FBXO31: variants seen among roughly 807,000 people sequenced by gnomAD.
The protein encoded by FBXO31 is F-box protein 31, also known as F-box only protein 31.
Under a neutral mutation model 54.4 loss-of-function variants are expected in FBXO31, and 24 were observed. The ratio of observed to expected loss-of-function variants is 0.44; its 90% CI spans 0.32 to 0.62. FBXO31 has a LOEUF of 0.62. FBXO31 is among the 20% of genes least tolerant of loss of function. The pLI, the probability that FBXO31 is intolerant of heterozygous loss-of-function variation, is 0.05. For missense variants in FBXO31, 665 were observed against 787.1 expected, an observed-to-expected ratio of 0.84 and a Z score of 1.86; for synonymous variants, 388 against 335.6, an observed-to-expected ratio of 1.16 and a Z score of -1.71.
At chr16:87,354,792 AC>A (rs1190277311) in intron 2 of FBXO31, among the ~76,000 whole-genome samples, 24 of 151,960 alleles carry the variant, frequency 1.6e-4, no homozygotes, top group Admixed American at 1.6e-3. Context: ...AACTGGCAAA[AC>A]CCCGTCTCTA....
Position 87,343,758 on chromosome 16 carries a change from C to T in FBXO31, c.497G>A (p.Gly166Asp), listed in dbSNP as rs1905268128. 6.2e-7 allele frequency: 1 copy of T among 1,614,154 alleles called. No individual in the cohort carries two copies. The highest frequency in any genetic ancestry group is 8.5e-7 in the Non-Finnish European group (1 of 1,179,994). Residue 166 changes from glycine (G) to aspartate (D), a missense_variant, in exon 4 of 9, where the codon GGC becomes GAC. Around this residue, in one of 4 missense-constraint regions of FBXO31, gnomAD observed 234 missense variants for 346.8 expected, o/e 0.67. Coordinates refer to ENST00000311635, the MANE Select transcript of FBXO31 (RefSeq NM_024735.5). ...GTACATCCACCCGATGATGAACAGG[C>T]CGTCCACCTACAGGAGGAGATGGGC... ...YGGLLNVVVDGLFIIGWMYLP... is the reference protein window; with the variant it reads ...YGGLLNVVVDDLFIIGWMYLP...
At chr16:87,378,958 T>A (rs1487678431) in intron 1 of FBXO31, among the ~76,000 whole-genome samples, 1 of 139,246 alleles carries the variant, frequency 7.2e-6, no homozygotes, top group Non-Finnish European at 1.5e-5. Flanking sequence ...CAAGACTCCA[T>A]CTCAAAAAAA....
chr16:87,351,919 T>G (rs1446967594), intron 2 of FBXO31, among the ~76,000 whole-genome samples: 3 of 152,134 alleles, frequency 2.0e-5, no homozygotes, highest in African/African-American at 7.2e-5. Flanking sequence ...AGAGACGCTC[T>G]TCGTTTGTAC....
chr16:87,390,387 T>C (rs1018397818), upstream of FBXO31, among the ~76,000 whole-genome samples: 3 of 152,216 alleles, frequency 2.0e-5, no homozygotes, highest in African/African-American at 4.8e-5. Flanking sequence ...ATGACAGTAG[T>C]TGGCTTCTCT....
chr16:87,353,017 G>A (rs1905732697), intron 2 of FBXO31, among the ~76,000 whole-genome samples: 1 of 152,194 alleles, frequency 6.6e-6, no homozygotes, highest in Non-Finnish European at 1.5e-5. Flanking sequence ...CTCACTAAAG[G>A]TGTTGGCCTG....
intron 3 of FBXO31, 39 bp from the exon 4 acceptor site, chr16:87,343,804 CG>C (rs761545273): frequency 6.2e-7 from 1 of 1,610,526 alleles, no homozygotes; most frequent in Non-Finnish European, 8.5e-7. Context: ...GAGTGGCTCC[CG>C]GGCCAGAGCA....
intron 1 of FBXO31, among the ~76,000 whole-genome samples, chr16:87,379,974 G>A (rs1337181235): frequency 6.6e-6 from 1 of 151,128 alleles, no homozygotes; most frequent in African/African-American, 2.4e-5. Flanking sequence ...CTCCAGCCTG[G>A]GCAAGAGAGC....
At chr16:87,376,356 C>G (rs946475562) in intron 1 of FBXO31, among the ~76,000 whole-genome samples, 289 of 152,076 alleles carry the variant, frequency 1.9e-3, no homozygotes, top group African/African-American at 6.4e-3. Flanking sequence ...TCACTGTAAC[C>G]TCTGCCTCCA....
intron 1 of FBXO31, among the ~76,000 whole-genome samples, chr16:87,377,433 G>C (rs116952387): frequency 6.6e-6 from 1 of 152,148 alleles, no homozygotes; most frequent in Non-Finnish European, 1.5e-5. Context: ...GTGACATCAC[G>C]AGGGAGACCC....
upstream of FBXO31, among the ~76,000 whole-genome samples, chr16:87,391,064 C>A (rs1183595304): frequency 6.6e-6 from 1 of 152,182 alleles, no homozygotes; most frequent in Non-Finnish European, 1.5e-5. Context: ...CAAAAACAGC[C>A]AAATAGCCGG....
chr16:87,373,395 T>G (rs1292570598), intron 1 of FBXO31, among the ~76,000 whole-genome samples: 1 of 152,010 alleles, frequency 6.6e-6, no homozygotes, highest in Non-Finnish European at 1.5e-5. Flanking sequence ...GAGCTTGCAG[T>G]GAGCCGAGAT....
chr16:87,344,127 A>C lies in FBXO31; in HGVS notation c.490-362T>G, dbSNP rs76716860. Among the ~76,000 whole-genome samples, 1,153 of 152,372 alleles carry C rather than the reference A, an allele frequency of 7.6e-3. 19 individuals are homozygous for C. The highest frequency in any genetic ancestry group is 0.026 in the African/African-American group (1,086 of 41,596). Reference sequence around the variant, plus strand: ...AAAGGAGGCTTTGAGATGATCAGGGAAGCATCCCATGGCCTGGGCAACAGG... The same window carrying C: ...AAAGGAGGCTTTGAGATGATCAGGGCAGCATCCCATGGCCTGGGCAACAGG... On this transcript the variant is annotated intron_variant, in intron 3 of 8. Transcript: ENST00000311635.
intron 1 of FBXO31, chr16:87,389,729 G>T (rs1296935354): frequency 1.3e-5 from 2 of 152,102 alleles, no homozygotes; most frequent in East Asian, 3.8e-4. Flanking sequence ...TACATAATAT[G>T]CGCTTACCGG....
At chr16:87,347,607 G>A (rs1261819362) in intron 2 of FBXO31, among the ~76,000 whole-genome samples, 1 of 149,288 alleles carries the variant, frequency 6.7e-6, no homozygotes, top group Non-Finnish European at 1.5e-5. Flanking sequence ...ATGAACCTGG[G>A]AGGTGGAGCT....
chr16:87,343,613 G>C lies in FBXO31; in HGVS notation c.642C>G (p.His214Gln). ...VECMYGHKGP[H>Q]HGHIQIVKKD... is the part of the protein sequence containing the mutation. ...CTGCACACACCTGGATGTGGCCGTG[G>C]TGGGGCCCTTTGTGGCCGTACATGC... The change falls in exon 4 of 9, where the codon CAC becomes CAG. Residue 214 changes from histidine to glutamine, a missense_variant. Coordinates refer to ENST00000311635, the MANE Select transcript of FBXO31 (RefSeq NM_024735.5). 2 of 1,610,444 alleles carry C rather than the reference G, an allele frequency of 1.2e-6. No individual in the cohort carries two copies. Among genetic ancestry groups the C allele is most frequent in the Non-Finnish European group, 1.7e-6 (2 of 1,178,412 alleles).
chr16:87,368,087 A>G (rs1314312601), intron 1 of FBXO31: 3 of 152,248 alleles, frequency 2.0e-5, no homozygotes, highest in Admixed American at 6.5e-5. Context: ...TGTATTGCTA[A>G]TACCAAGTAG....
rs140806510 is a variant in FBXO31 at position 87,349,329 on chromosome 16, G to A, written c.413-2079C>T. ...TGAAGAAAATAAAATATAATCCCCC[G>A]GAAGCCCCAGTGGCAGCTGACACAA... On this transcript the variant is annotated intron_variant, in intron 2 of 8. Transcript: ENST00000311635. 4.6e-3 allele frequency among the ~76,000 whole-genome samples: 704 copies of A among 152,232 alleles called. 3 individuals carry two copies. The highest frequency in any genetic ancestry group is 8.8e-3 in the Non-Finnish European group (601 of 68,008).
At chr16:87,375,718 C>G (rs184023442) in intron 1 of FBXO31, among the ~76,000 whole-genome samples, 50 of 152,276 alleles carry the variant, frequency 3.3e-4, no homozygotes, top group African/African-American at 1.2e-3. Flanking sequence ...GGGTCCCACA[C>G]CCACCCTGCC....
At chr16:87,388,697 A>C (rs1006118005), upstream of FBXO31, 1 of 152,274 alleles carries the variant, frequency 6.6e-6, no homozygotes, top group African/African-American at 2.4e-5. Context: ...ACATCACTCA[A>C]GCTGGGCCAT....
Sources: allele counts gnomAD v4.1 joint callset (sites outside exome capture counted in the v4.1 genomes callset), GRCh38; gene constraint gnomAD v4.1.1; regional missense constraint gnomAD v4.1.1; transcripts MANE v1.5; gene names NCBI Gene and HGNC (gene_info 2026-07-23, HGNC 2026-07-21).